Variants in TDRD3 observed in about 807,000 individuals in gnomAD.
The protein encoded by TDRD3 is tudor domain-containing protein 3.
In TDRD3, 45 loss-of-function variants were observed where a neutral mutation model predicts 86.7. The ratio of observed to expected loss-of-function variants is 0.52; its 90% CI spans 0.41 to 0.67. The LOEUF is 0.67. TDRD3 is among the 30% of genes least tolerant of loss of function. The probability of loss-of-function intolerance (pLI) is 0.00; values close to 1 mark genes in which losing one functional copy is unlikely to be tolerated. For missense variants in TDRD3, 814 were observed against 889.0 expected, an observed-to-expected ratio of 0.92 and a Z score of 1.07; for synonymous variants, 298 against 301.7, an observed-to-expected ratio of 0.99 and a Z score of 0.13.
intron 12 of TDRD3, chr13:60,535,508 G>C (rs568344911): frequency 1.6e-4 from 32 of 195,478 alleles, no homozygotes; most frequent in African/African-American, 4.4e-4. Flanking sequence ...ATTTGTATGC[G>C]TGAAATGGGT....
intron 12 of TDRD3, among the ~76,000 whole-genome samples, chr13:60,541,339 G>A (rs1226344816): frequency 6.6e-6 from 1 of 151,856 alleles, no homozygotes; most frequent in Admixed American, 6.6e-5. Context: ...GCTAATTTTT[G>A]TATTTTTAGT....
chr13:60,558,930 T>C (rs1464253498), intron 12 of TDRD3, among the ~76,000 whole-genome samples: 1 of 151,760 alleles, frequency 6.6e-6, no homozygotes, highest in Non-Finnish European at 1.5e-5. Flanking sequence ...TCTTCTTGCA[T>C]TGGCTCTTTC....
At chr13:60,453,274 C>T (rs1322231394) in intron 3 of TDRD3, among the ~76,000 whole-genome samples, 1 of 152,100 alleles carries the variant, frequency 6.6e-6, no homozygotes, top group East Asian at 1.9e-4. Context: ...AGAAACAATC[C>T]TAAACATTTT....
At chr13:60,478,110 A>G (rs1006081092) in intron 5 of TDRD3, among the ~76,000 whole-genome samples, 10 of 151,482 alleles carry the variant, frequency 6.6e-5, no homozygotes, top group African/African-American at 2.4e-4. Context: ...GTCTTTGGAG[A>G]TTGCTTCTAG....
intron 11 of TDRD3, among the ~76,000 whole-genome samples, chr13:60,529,639 C>G (rs1230579213): frequency 1.3e-5 from 2 of 151,994 alleles, no homozygotes; most frequent in African/African-American, 2.4e-5. Context: ...AGTACACATT[C>G]AGCTTACTTT....
chr13:60,409,713 C>G (rs1477373800), intron 1 of TDRD3, among the ~76,000 whole-genome samples: 1 of 152,306 alleles, frequency 6.6e-6, no homozygotes, highest in African/African-American at 2.4e-5. Context: ...AACTAGCTTG[C>G]TTTTGATTGT....
chr13:60,441,286 T>G (rs1955264912), intron 2 of TDRD3, among the ~76,000 whole-genome samples: 1 of 152,176 alleles, frequency 6.6e-6, no homozygotes, highest in Non-Finnish European at 1.5e-5. Flanking sequence ...GCTGGGGTTT[T>G]TTTTTATTTA....
At chr13:60,545,640 G>A (rs1016025139) in intron 12 of TDRD3, among the ~76,000 whole-genome samples, 1 of 151,924 alleles carries the variant, frequency 6.6e-6, no homozygotes, top group African/African-American at 2.4e-5. Flanking sequence ...TGTGGAGAAT[G>A]TACACGAATG....
chr13:60,403,616 G>C (rs930221721), intron 1 of TDRD3, among the ~76,000 whole-genome samples: 3 of 152,176 alleles, frequency 2.0e-5, no homozygotes, highest in Non-Finnish European at 4.4e-5. Context: ...ATAATGTAAA[G>C]TATTAAGAAG....
intron 1 of TDRD3, among the ~76,000 whole-genome samples, chr13:60,427,440 C>T (rs1212337561): frequency 1.3e-5 from 2 of 151,984 alleles, no homozygotes; most frequent in South Asian, 2.1e-4. Flanking sequence ...ACTGCAGTTT[C>T]GTTTCTAATG....
intron 3 of TDRD3, among the ~76,000 whole-genome samples, chr13:60,448,727 C>T (rs1430348882): frequency 6.6e-6 from 1 of 151,998 alleles, no homozygotes; most frequent in Non-Finnish European, 1.5e-5. Context: ...TTACAAAGTC[C>T]TAGGACTGCT....
intron 8 of TDRD3, among the ~76,000 whole-genome samples, chr13:60,505,693 C>T (rs1443508161): frequency 2.0e-5 from 3 of 152,000 alleles, no homozygotes; most frequent in South Asian, 2.1e-4. Flanking sequence ...ATAAATGACC[C>T]GATGGAATTG....
At chr13:60,414,623 C>A (rs1041543143) in intron 1 of TDRD3, among the ~76,000 whole-genome samples, 1 of 152,006 alleles carries the variant, frequency 6.6e-6, no homozygotes, top group Admixed American at 6.6e-5. Context: ...TGTTCTTATC[C>A]TTATTTGTAG....
chr13:60,470,723 C>T (rs1481388814), intron 5 of TDRD3, among the ~76,000 whole-genome samples: 1 of 151,112 alleles, frequency 6.6e-6, no homozygotes, highest in Non-Finnish European at 1.5e-5. Context: ...GCTGGGATTA[C>T]AGGTGTGCAC....
intron 4 of TDRD3, among the ~76,000 whole-genome samples, chr13:60,466,775 G>A (rs191385220): frequency 6.6e-6 from 1 of 151,472 alleles, no homozygotes; most frequent in East Asian, 1.9e-4. Flanking sequence ...AGGAGCTTGG[G>A]TGACGGAGGC....
chr13:60,560,474 CT>C (rs1394768863), intron 12 of TDRD3, among the ~76,000 whole-genome samples: 1 of 152,138 alleles, frequency 6.6e-6, no homozygotes, highest in Non-Finnish European at 1.5e-5. Context: ...ATGGATGCAG[CT>C]TTTTGATGTT....
intron 12 of TDRD3, among the ~76,000 whole-genome samples, chr13:60,561,172 C>T (rs1210110188): frequency 1.3e-5 from 2 of 151,970 alleles, no homozygotes; most frequent in East Asian, 1.9e-4. Flanking sequence ...GTTAATGAAA[C>T]CCGAGGGTTT....
intron 5 of TDRD3, 68 bp from the exon 6 acceptor site, chr13:60,483,707 A>G: frequency 7.0e-7 from 1 of 1,434,214 alleles, no homozygotes; most frequent in Non-Finnish European, 9.5e-7. Flanking sequence ...GATTCCTGTT[A>G]CATTATAAAT....
upstream of TDRD3, among the ~76,000 whole-genome samples, chr13:60,396,198 G>A (rs1008524624): frequency 2.0e-5 from 3 of 152,322 alleles, no homozygotes; most frequent in Non-Finnish European, 4.4e-5. Flanking sequence ...CGGAGATAGG[G>A]ATTAAGTTCC....
Sources: gnomAD v4.1 joint callset for allele counts (sites outside exome capture counted in the v4.1 genomes callset) on GRCh38, gnomAD v4.1.1 for gene constraint, MANE v1.5 for transcripts, NCBI Gene and HGNC (gene_info 2026-07-23, HGNC 2026-07-21) for gene names.